The following CDKL4 variants were observed in gnomAD, a reference collection of about 807,000 sequenced individuals.
CDKL4 encodes the protein cyclin-dependent kinase-like 4.
A neutral mutation model predicts 42.0 loss-of-function variants in CDKL4; 44 were observed. The observed-to-expected ratio is 1.05, with a 90% CI of 0.82 to 1.35. The LOEUF (loss-of-function observed/expected upper bound fraction) is 1.35, where lower values mean the gene tolerates loss of function less well. CDKL4 is among the 40% of genes most tolerant of loss of function. The pLI is 0.00. For synonymous variants in CDKL4, 120 were observed against 121.6 expected (o/e 0.99, Z 0.09); for missense variants, 393 against 369.9 (o/e 1.06, Z -0.51).
intron 9 of CDKL4, 200 bp downstream of exon 9, chr2:39,178,987 A>G (rs1025968517): frequency 4.9e-6 from 7 of 1,441,894 alleles, no homozygotes; most frequent in Non-Finnish European, 5.4e-6. Flanking sequence ...TTGGAATAAG[A>G]TTTTTGCAAT....
chr2:39,220,349 C>A (rs1159292235), intron 3 of CDKL4, among the ~76,000 whole-genome samples: 1 of 152,140 alleles, frequency 6.6e-6, no homozygotes, highest in African/African-American at 2.4e-5. Context: ...CCCACCTCCC[C>A]TCAAGGTCTC....
intron 8 of CDKL4, 35 bp from the exon 9 acceptor site, chr2:39,179,356 G>A: frequency 6.6e-7 from 1 of 1,517,232 alleles, no homozygotes; most frequent in Non-Finnish European, 8.9e-7. Flanking sequence ...AAGATGTTAA[G>A]GGAGGGGCTC....
chr2:39,246,243 CAA>C (rs1679908808), upstream of CDKL4, among the ~76,000 whole-genome samples: 1 of 152,156 alleles, frequency 6.6e-6, no homozygotes, highest in African/African-American at 2.4e-5. Flanking sequence ...CTTTAACAAA[CAA>C]AATCAAAACA....
At chr2:39,193,409 C>T (rs11673761) in intron 5 of CDKL4, among the ~76,000 whole-genome samples, 4,818 of 150,896 alleles carry the variant, frequency 0.032, 121 homozygotes, top group Non-Finnish European at 0.049. Context: ...GAGTTTCGCT[C>T]TTATTGTCCA....
At chr2:39,225,772 T>A (rs1200511131) in intron 3 of CDKL4, 67 bp downstream of exon 3, 1 of 1,477,452 alleles carries the variant, frequency 6.8e-7, no homozygotes, top group Admixed American at 2.2e-5. Context: ...AAATTTGCCA[T>A]GGTTAATTCC....
chr2:39,233,050 A>AAG (rs1679163858), intron 1 of CDKL4, among the ~76,000 whole-genome samples: 1 of 83,360 alleles, frequency 1.2e-5, no homozygotes, highest in African/African-American at 4.0e-5. Flanking sequence ...ATCTCAAAAA[A>AAG]AAAAAAAAAA....
chr2:39,178,940 A>T lies in CDKL4; in HGVS notation c.927+247T>A, dbSNP rs1026593097. On this transcript the variant is annotated intron_variant, in intron 9 of 9. Transcript: ENST00000451199. ...TGTGGGTGGGATATCCAATCAGAGCAGCCAAAGAGTTGCGTAACGATTTGA... is the reference window on the plus strand; with the variant it reads ...TGTGGGTGGGATATCCAATCAGAGCTGCCAAAGAGTTGCGTAACGATTTGA... The T allele has an allele frequency of 3.2e-5, 46 of 1,445,978 alleles. No homozygotes were observed. In the East Asian group the frequency reaches 1.1e-3, roughly 34 times the overall value. The allele number at this position is 1,445,978 out of a possible 1,614,324, so 89.6% of individuals were successfully genotyped here. A position where few individuals can be genotyped will look rare whatever the true frequency, so the allele number is the denominator to read the frequency against.
intron 2 of CDKL4, 47 bp from the exon 3 acceptor site, chr2:39,226,007 A>G (rs780963885): frequency 6.3e-7 from 1 of 1,581,924 alleles, no homozygotes. Flanking sequence ...TTACTAGTAA[A>G]AGCTTCTACC....
chr2:39,185,077 A>C (rs950598327), intron 7 of CDKL4, among the ~76,000 whole-genome samples: 3 of 144,856 alleles, frequency 2.1e-5, no homozygotes, highest in Admixed American at 7.1e-5. Context: ...TTAAAGAAAG[A>C]CTCTCTAGTA....
downstream of CDKL4, among the ~76,000 whole-genome samples, chr2:39,174,522 G>A (rs765910086): frequency 3.3e-5 from 5 of 152,070 alleles, no homozygotes; most frequent in Admixed American, 6.6e-5. Flanking sequence ...TTCTAAGTGC[G>A]GAAGACTTTT....
chr2:39,240,289 G>A (rs1448060466), intron 1 of CDKL4, among the ~76,000 whole-genome samples: 1 of 151,322 alleles, frequency 6.6e-6, no homozygotes, highest in African/African-American at 2.4e-5. Flanking sequence ...AGCTGGGTGT[G>A]GTGGTATGCA....
chr2:39,231,917 TA>T (rs984148829), intron 1 of CDKL4, among the ~76,000 whole-genome samples: 4 of 152,180 alleles, frequency 2.6e-5, no homozygotes, highest in Non-Finnish European at 4.4e-5. Context: ...ACCCTGTCTC[TA>T]AAATAAAATG....
downstream of CDKL4, among the ~76,000 whole-genome samples, chr2:39,172,111 C>G (rs1675015900): frequency 6.6e-6 from 1 of 151,936 alleles, no homozygotes; most frequent in South Asian, 2.1e-4. Flanking sequence ...GGGTTCAAAA[C>G]CAGCCTGGCC....
downstream of CDKL4, among the ~76,000 whole-genome samples, chr2:39,170,799 A>C (rs900091628): frequency 6.6e-6 from 1 of 152,134 alleles, no homozygotes; most frequent in Non-Finnish European, 1.5e-5. Flanking sequence ...TTTTAAGATC[A>C]TTCCTCTTCT....
chr2:39,175,989 A>C (rs1015774121), exon 10 of CDKL4: 5 of 469,478 alleles, frequency 1.1e-5, no homozygotes, highest in African/African-American at 6.0e-5. Flanking sequence ...TTGAAAGAAC[A>C]TTTTCCTAAA....
chr2:39,168,280 GAC>G, the CDKL4 span, among the ~76,000 whole-genome samples: 1 of 152,102 alleles, frequency 6.6e-6, no homozygotes, highest in African/African-American at 2.4e-5. Flanking sequence ...ATAATAAATG[GAC>G]ACACAGAATC....
chr2:39,206,019 G>T (rs1677162964), intron 4 of CDKL4, among the ~76,000 whole-genome samples: 1 of 151,334 alleles, frequency 6.6e-6, no homozygotes, highest in African/African-American at 2.4e-5. Flanking sequence ...AGTGGGACCC[G>T]AGGCACGCTG....
At chr2:39,233,161 G>C (rs367832934) in intron 1 of CDKL4, among the ~76,000 whole-genome samples, 1 of 151,918 alleles carries the variant, frequency 6.6e-6, no homozygotes, top group South Asian at 2.1e-4. Flanking sequence ...AGATATGAGA[G>C]GGGTGAGATC....
At chr2:39,203,758 G>C (rs7563852) in intron 5 of CDKL4, among the ~76,000 whole-genome samples, 12,889 of 152,172 alleles carry the variant, frequency 0.085, 1,823 homozygotes, top group African/African-American at 0.29. Context: ...TCCAGTGTTT[G>C]TCTATTTCTC....
Sources: allele counts gnomAD v4.1 joint callset (sites outside exome capture counted in the v4.1 genomes callset), GRCh38; gene constraint gnomAD v4.1.1; transcripts MANE v1.5; gene names NCBI Gene and HGNC (gene_info 2026-07-23, HGNC 2026-07-21).